The following PRMT7 variants were observed in gnomAD, a reference collection of about 807,000 sequenced individuals.
The protein encoded by PRMT7 is protein arginine methyltransferase 7.
PRMT7 carries 75 observed loss-of-function variants against 85.4 expected under a neutral mutation model. The observed-to-expected ratio is 0.88, with a 90% CI of 0.73 to 1.06. The LOEUF is 1.06. PRMT7 is among the 50% of genes least tolerant of loss of function. The pLI, the probability that PRMT7 is intolerant of heterozygous loss-of-function variation, is 0.00. For synonymous variants in PRMT7, 397 were observed against 359.5 expected, an observed-to-expected ratio of 1.10 and a Z score of -1.18; for missense variants, 868 against 915.2, an observed-to-expected ratio of 0.95 and a Z score of 0.67.
intron 4 of PRMT7, 199 bp downstream of exon 4, chr16:68,321,661 A>G (rs1261650769): frequency 5.9e-6 from 3 of 504,804 alleles, no homozygotes; most frequent in Non-Finnish European, 1.1e-5. Context: ...TTATCAAGAT[A>G]GAACTGACAA....
At position 68,339,436 on chromosome 16, in the gene PRMT7, G is replaced by C. The variant is rs765342172; in HGVS notation, c.619G>C (p.Glu207Gln). 3.1e-6 allele frequency: 5 copies of C among 1,614,232 alleles called. No individual in the cohort carries two copies. The highest frequency in any genetic ancestry group is 4.2e-6 in the Non-Finnish European group (5 of 1,180,042). ...CATCCACGTGCAGACCAGCCTCGGA[G>C]AGCAGGTCATCGTCCCTCCCGTTGA... Reference protein sequence around the residue: ...FPIHVQTSLGEQVIVPPVDVE... With the variant: ...FPIHVQTSLGQQVIVPPVDVE... Residue 207 changes from glutamate to glutamine, a missense_variant, in exon 8 of 19, where the codon GAG becomes CAG. Coordinates refer to ENST00000441236, the MANE Select transcript of PRMT7 (RefSeq NM_019023.5).
At chr16:68,329,899 A>ACACACAC (rs1567669703) in intron 6 of PRMT7, among the ~76,000 whole-genome samples, 6 of 150,338 alleles carry the variant, frequency 4.0e-5, no homozygotes, top group African/African-American at 1.5e-4. Flanking sequence ...ACACACACAC[A>ACACACAC]TATTTTTTTT....
intron 3 of PRMT7, among the ~76,000 whole-genome samples, chr16:68,317,732 G>C (rs902642677): frequency 2.6e-5 from 4 of 152,052 alleles, no homozygotes; most frequent in Non-Finnish European, 5.9e-5. Context: ...TCGGGAGGCT[G>C]AGGCAGGAGA....
chr16:68,345,044 C>T (rs968685378), intron 9 of PRMT7, among the ~76,000 whole-genome samples: 26 of 151,174 alleles, frequency 1.7e-4, no homozygotes, highest in Admixed American at 1.7e-3. Flanking sequence ...TACTTCAACA[C>T]TTATCTCCCA....
intron 9 of PRMT7, among the ~76,000 whole-genome samples, chr16:68,344,981 A>T (rs2863976): frequency 0.65 from 88,473 of 135,626 alleles, 27,195 homozygotes; most frequent in East Asian, 0.8. Flanking sequence ...TTTTTTTTTT[A>T]TTGCTAAATC....
chr16:68,356,579 TC>T (rs2088550047), intron 17 of PRMT7, 121 bp from the exon 18 acceptor site: 2 of 718,468 alleles, frequency 2.8e-6, no homozygotes, highest in South Asian at 3.6e-5. Context: ...CACTAGGAAC[TC>T]CCGGCAGGGC....
At chr16:68,350,093 A>G (rs2087062118) in intron 14 of PRMT7, among the ~76,000 whole-genome samples, 1 of 152,180 alleles carries the variant, frequency 6.6e-6, no homozygotes, top group African/African-American at 2.4e-5. Context: ...TTCGCTGAGC[A>G]TAATGTCTTT....
intron 13 of PRMT7, 94 bp downstream of exon 13, chr16:68,347,772 A>G: frequency 8.3e-7 from 1 of 1,208,202 alleles, no homozygotes; most frequent in Non-Finnish European, 1.2e-6. Context: ...GGAACAAAGG[A>G]GTGGTGGCTC....
intron 14 of PRMT7, chr16:68,351,388 A>T (rs1412202611): frequency 8.8e-6 from 1 of 114,282 alleles, no homozygotes; most frequent in East Asian, 3.0e-4. Flanking sequence ...GCACTCTCCC[A>T]GGTCGCCTCC....
At chr16:68,333,519 C>G (rs914246076) in intron 6 of PRMT7, among the ~76,000 whole-genome samples, 1 of 152,032 alleles carries the variant, frequency 6.6e-6, no homozygotes, top group South Asian at 2.1e-4. Flanking sequence ...AACTAGGTCT[C>G]GCTTTGTTTC....
intron 5 of PRMT7, 61 bp downstream of exon 5, chr16:68,324,893 G>A (rs1056630499): frequency 6.3e-7 from 1 of 1,593,964 alleles, no homozygotes; most frequent in Non-Finnish European, 8.6e-7. Flanking sequence ...CTATGCTCTT[G>A]CACTTTCCCC....
chr16:68,318,921 G>A (rs1028379227), intron 3 of PRMT7: 2 of 152,304 alleles, frequency 1.3e-5, no homozygotes, highest in African/African-American at 4.8e-5. Flanking sequence ...GGTGTGGAGA[G>A]GAGAGCATTT....
chr16:68,321,278 A>T (rs1965308), intron 3 of PRMT7, 148 bp from the exon 4 acceptor site: 318,571 of 534,900 alleles, frequency 0.6, 99,873 homozygotes, highest in East Asian at 0.8. Flanking sequence ...CAAAAAAAAA[A>T]AAATAAATAA....
At chr16:68,346,351 T>C (rs370727717) in intron 11 of PRMT7, 71 bp downstream of exon 11, 1 of 1,596,798 alleles carries the variant, frequency 6.3e-7, no homozygotes, top group Non-Finnish European at 8.6e-7. Context: ...ACCCCAGCAC[T>C]TTGCTTATGA....
rs1196492311 is a variant in PRMT7 at position 68,352,499 on chromosome 16, C to T, written c.1575+90C>T. 61 of 1,295,440 alleles carry T rather than the reference C, an allele frequency of 4.7e-5. No homozygotes were observed. The South Asian group carries it at 7.1e-4, about 15-fold the overall frequency. 80.2% of individuals were successfully genotyped at this position (1,295,440 alleles called of 1,614,324 possible). A position where few individuals can be genotyped will look rare whatever the true frequency, so the allele number is the denominator to read the frequency against. ...GCAGGAACCTTGGGTGCCTGTAGAG[C>T]GGCTCAGGCCTTGATGATTTGAGCT... On this transcript the variant is annotated intron_variant, in intron 15 of 18. Transcript: ENST00000441236.
At chr16:68,317,095 G>A (rs1265136534) in intron 3 of PRMT7, among the ~76,000 whole-genome samples, 1 of 151,756 alleles carries the variant, frequency 6.6e-6, no homozygotes, top group Non-Finnish European at 1.5e-5. Context: ...AAAATTAGCT[G>A]GGAGTGGTGG....
chr16:68,345,756 G>T lies in PRMT7; in HGVS notation c.1009G>T (p.Ala337Ser). The T allele has an allele frequency of 6.2e-7, 1 of 1,614,134 alleles. No individual in the cohort carries two copies. Among genetic ancestry groups the T allele is most frequent in the Non-Finnish European group, 8.5e-7 (1 of 1,180,016 alleles). ...VVQGSALYLV[A>S]HHDDYCVWYS... ...GCAGGGCTCAGCGCTCTATCTGGTAGCCCACCACGATGACTACTGCGTATG... is the reference window on the plus strand; with the variant it reads ...GCAGGGCTCAGCGCTCTATCTGGTATCCCACCACGATGACTACTGCGTATG... Residue 337 changes from alanine to serine, a missense_variant, in exon 10 of 19, where the codon GCC becomes TCC. Transcript: ENST00000441236.
At chr16:68,333,412 C>G (rs951268900) in intron 6 of PRMT7, among the ~76,000 whole-genome samples, 2 of 148,672 alleles carry the variant, frequency 1.3e-5, no homozygotes, top group African/African-American at 2.5e-5. Context: ...ACCTGGGAGG[C>G]AAAGGTTGCG....
intron 7 of PRMT7, 135 bp downstream of exon 7, chr16:68,337,706 G>A: frequency 4.5e-6 from 2 of 445,966 alleles, no homozygotes; most frequent in Non-Finnish European, 7.8e-6. Flanking sequence ...CCATTCCTGG[G>A]GGGGCTCTGG....
Sources: gnomAD v4.1 joint callset for allele counts (sites outside exome capture counted in the v4.1 genomes callset) on GRCh38, gnomAD v4.1.1 for gene constraint, MANE v1.5 for transcripts, NCBI Gene and HGNC (gene_info 2026-07-23, HGNC 2026-07-21) for gene names.